EIF3B: variants seen among roughly 807,000 people sequenced by gnomAD.
EIF3B encodes eukaryotic translation initiation factor 3 subunit B, also known as eukaryotic translation initiation factor 3 subunit 9.
A neutral mutation model predicts 104.6 loss-of-function variants in EIF3B; 10 were observed. The ratio of observed to expected loss-of-function variants is 0.10; its 90% CI spans 0.06 to 0.16. The LOEUF (loss-of-function observed/expected upper bound fraction) is 0.16, where lower values mean the gene tolerates loss of function less well. Among genes scored for constraint, EIF3B ranks in the 10% least tolerant of loss-of-function variants. The pLI, the probability that EIF3B is intolerant of heterozygous loss-of-function variation, is 1.00. For synonymous variants in EIF3B, 542 were observed against 417.2 expected (o/e 1.30, Z -3.65); for missense variants, 1,014 against 1,087.9 (o/e 0.93, Z 0.96).
intron 2 of EIF3B, among the ~76,000 whole-genome samples, chr7:2,361,488 C>G (rs370902149): frequency 6.6e-6 from 1 of 151,756 alleles, no homozygotes; most frequent in African/African-American, 2.4e-5. Context: ...GTCGCAATCT[C>G]GGCTCACTGA....
Position 2,366,430 on chromosome 7 carries a change from C to G in EIF3B, c.1271C>G (p.Ala424Gly). The G allele has an allele frequency of 6.2e-7, 1 of 1,613,964 alleles. No homozygotes were observed. Among genetic ancestry groups the G allele is most frequent in the Non-Finnish European group, 8.5e-7 (1 of 1,179,980 alleles). ...AGGGGTTTTCACTGTGAGAGCTCAGCCCATTGGCCTATTTTTAAGTAAGTG... is the reference window on the plus strand; with the variant it reads ...AGGGGTTTTCACTGTGAGAGCTCAGGCCATTGGCCTATTTTTAAGTAAGTG... Reference protein sequence around the residue: ...KKRGFHCESSAHWPIFKWSHD... With the variant: ...KKRGFHCESSGHWPIFKWSHD... The change falls in exon 7 of 19, where the codon GCC becomes GGC. Residue 424 changes from alanine (A) to glycine (G), a missense_variant. Physicochemically the swap from Ala to Gly is moderately conservative, Grantham distance 60. Around this residue, in one of 4 missense-constraint regions of EIF3B, gnomAD observed 201 missense variants for 240.7 expected, o/e 0.83. Transcript: ENST00000360876.
At chr7:2,367,129 A>C in intron 9 of EIF3B, 84 bp downstream of exon 9, 5 of 1,275,582 alleles carry the variant, frequency 3.9e-6, no homozygotes, top group Non-Finnish European at 5.5e-6. Flanking sequence ...ACACAATACC[A>C]TAGGCTGGGT....
upstream of EIF3B, chr7:2,354,289 C>T (rs554286002): frequency 6.6e-6 from 1 of 152,210 alleles, no homozygotes; most frequent in African/African-American, 2.4e-5. Flanking sequence ...CCCCGAATTC[C>T]TTTTCTATTT....
At chr7:2,355,516 C>G in intron 1 of EIF3B, 96 bp downstream of exon 1, 1 of 1,380,740 alleles carries the variant, frequency 7.2e-7, no homozygotes, top group Non-Finnish European at 9.4e-7. Flanking sequence ...CCGGTTCGTG[C>G]AGAAGTTCCA....
rs1214882528 is a variant in EIF3B, at chr7:2,366,167, G to C, written c.1158-150G>C. 2.6e-5 allele frequency: 19 copies of C among 728,876 alleles called. 1 individual carries two copies. In the South Asian group the frequency reaches 3.9e-4, roughly 15 times the overall value. The allele number at this position is 728,876 out of a possible 1,614,324, so 45.2% of individuals were successfully genotyped here. ...GAATGAACAAGCGCCGCTGCTTCCC[G>C]CTTCCGCTTGGGTCTCTTGGGGCCG... On this transcript the variant is annotated intron_variant, in intron 6 of 18. Transcript: ENST00000360876.
At chr7:2,372,361 T>C (rs1340984246) in intron 11 of EIF3B, among the ~76,000 whole-genome samples, 1 of 152,214 alleles carries the variant, frequency 6.6e-6, no homozygotes. Flanking sequence ...CCACTGTAGG[T>C]GCACACTGGG....
chr7:2,363,054 C>T lies in EIF3B; in HGVS notation c.813-16C>T, dbSNP rs532578414. On this transcript the variant is annotated splice_polypyrimidine_tract_variant and intron_variant, in intron 3 of 18. Transcript: ENST00000360876. Reference sequence around the variant, plus strand: ...TCGTCAGGGCGTGGGGCTCAGCAGTCTCCTTTCTTCTCCAGGTATATGACG... The same window carrying T: ...TCGTCAGGGCGTGGGGCTCAGCAGTTTCCTTTCTTCTCCAGGTATATGACG... 1.2e-5 allele frequency: 19 copies of T among 1,613,942 alleles called. No homozygotes were observed. In the South Asian group the frequency reaches 2.0e-4, roughly 17 times the overall value.
At position 2,354,890 on chromosome 7, in the gene EIF3B, G is replaced by A. The variant is rs1230851068; in HGVS notation, c.-32G>A. 3 of 1,163,356 alleles carry A rather than the reference G, an allele frequency of 2.6e-6. No individual in the cohort carries two copies. The highest frequency in any genetic ancestry group is 4.3e-5 in the East Asian group (1 of 23,042). The allele number at this position is 1,163,356 out of a possible 1,614,324, so 72.1% of individuals were successfully genotyped here. ...TGGGAGAGTCGGAAGCGCGGCGGCC[G>A]CGGAGCCCTGCGAGTAGGCAGCGTT... On this transcript the variant is annotated 5_prime_UTR_variant, in exon 1 of 19. Coordinates refer to ENST00000360876, the MANE Select transcript of EIF3B (RefSeq NM_001037283.2).
chr7:2,354,837 T>C lies in EIF3B; in HGVS notation c.-85T>C, dbSNP rs1180185056. Reference sequence around the variant, plus strand: ...CCCCGTCGCACGCACATGGCTGGGCTGTAGCCGTCGCGGCGCGCGGTGCGG... The same window carrying C: ...CCCCGTCGCACGCACATGGCTGGGCCGTAGCCGTCGCGGCGCGCGGTGCGG... On this transcript the variant is annotated 5_prime_UTR_variant, in exon 1 of 19. Transcript: ENST00000360876. The C allele has an allele frequency of 2.9e-6, 3 of 1,040,788 alleles. No individual in the cohort carries two copies. The highest frequency in any genetic ancestry group is 1.7e-5 in the African/African-American group (1 of 58,142). The allele number at this position is 1,040,788 out of a possible 1,614,324, so 64.5% of individuals were successfully genotyped here.
rs776755336 is a variant in EIF3B, at chr7:2,366,462, T to C, written c.1289+14T>C. On this transcript the variant is annotated intron_variant, in intron 7 of 18. Transcript: ENST00000360876. Reference sequence around the variant, plus strand: ...GCCTATTTTTAAGTAAGTGGACCATTGTAACGAGCTCTGTAGCCTTTGTCT... The same window carrying C: ...GCCTATTTTTAAGTAAGTGGACCATCGTAACGAGCTCTGTAGCCTTTGTCT... 6.1e-5 allele frequency: 98 copies of C among 1,613,902 alleles called. No homozygotes were observed. Among genetic ancestry groups the C allele is most frequent in the Non-Finnish European group, 7.5e-5 (89 of 1,179,992 alleles).
intron 4 of EIF3B, 22 bp from the exon 5 acceptor site, chr7:2,363,610 A>G (rs1375042921): frequency 5.0e-6 from 8 of 1,587,992 alleles, no homozygotes; most frequent in Non-Finnish European, 6.8e-6. Flanking sequence ...GAAATGTTAT[A>G]TTCCTTGTCT....
In EIF3B at chr7:2,374,559, C is replaced by T. The variant is rs770670188; in HGVS notation, c.1842C>T (p.Ile614=). The T allele has an allele frequency of 6.8e-6, 11 of 1,614,146 alleles. No homozygotes were observed. Among genetic ancestry groups the T allele is most frequent in the South Asian group, 3.3e-5 (3 of 91,086 alleles). The change falls in exon 13 of 19, where the codon ATC becomes ATT. Residue 614 remains isoleucine, a synonymous_variant. Coordinates refer to ENST00000360876, the MANE Select transcript of EIF3B (RefSeq NM_001037283.2). ...TCGACAAGCAGCAGGCGAACACCAT[C>T]TTCTGGAGCCCCCAAGGACAGTTCG... ...KMFDKQQANT[I]FWSPQGQFVV...
At chr7:2,367,376 C>T (rs1003950912) in intron 9 of EIF3B, among the ~76,000 whole-genome samples, 6 of 152,142 alleles carry the variant, frequency 3.9e-5, no homozygotes, top group African/African-American at 1.4e-4. Flanking sequence ...TGCCGTCACC[C>T]CAGGGGGTTA....
chr7:2,354,680 G>C (rs1374218117), upstream of EIF3B, among the ~76,000 whole-genome samples: 1 of 152,182 alleles, frequency 6.6e-6, no homozygotes, highest in Non-Finnish European at 1.5e-5. Flanking sequence ...ATGGAATTAA[G>C]CACTTTCTTG....
intron 2 of EIF3B, 67 bp from the exon 3 acceptor site, chr7:2,362,578 G>A: frequency 6.3e-7 from 1 of 1,590,698 alleles, no homozygotes; most frequent in Admixed American, 1.7e-5. Flanking sequence ...GAGAGGGGTG[G>A]GGCGGACAGC....
chr7:2,374,787 A>C, intron 13 of EIF3B, 181 bp downstream of exon 13: 1 of 560,456 alleles, frequency 1.8e-6, no homozygotes, highest in African/African-American at 1.9e-5. Context: ...TCCAGGACTC[A>C]GGCCAAGCCC....
At chr7:2,378,628 G>C in intron 15 of EIF3B, 61 bp from the exon 16 acceptor site, 1 of 1,479,730 alleles carries the variant, frequency 6.8e-7, no homozygotes, top group Non-Finnish European at 9.4e-7. Flanking sequence ...CAACTCTGAA[G>C]ATTGCATTTG....
chr7:2,358,068 G>A (rs921017642), intron 1 of EIF3B, among the ~76,000 whole-genome samples: 8 of 151,632 alleles, frequency 5.3e-5, no homozygotes, highest in African/African-American at 7.3e-5. Context: ...ATAAAACGGC[G>A]ATTATTTTTT....
chr7:2,379,679 G>A lies in EIF3B; in HGVS notation c.*14+168G>A, dbSNP rs138369606. ...TCGTGTGAAATGTAGAGTCGGTGCC[G>A]ACGTGGCCTCGACTGCGCCCTCTGA... On this transcript the variant is annotated intron_variant, in intron 18 of 18. Coordinates refer to ENST00000360876, the MANE Select transcript of EIF3B (RefSeq NM_001037283.2). The A allele has an allele frequency of 1.1e-4, 67 of 606,002 alleles. No individual in the cohort carries two copies. The Middle Eastern group carries it at 1.2e-3, about 11-fold the overall frequency. The allele number at this position is 606,002 out of a possible 1,614,324, so 37.5% of individuals were successfully genotyped here. A position where few individuals can be genotyped will look rare whatever the true frequency, so the allele number is the denominator to read the frequency against.
Sources: allele counts gnomAD v4.1 joint callset (sites outside exome capture counted in the v4.1 genomes callset), GRCh38; gene constraint gnomAD v4.1.1; regional missense constraint gnomAD v4.1.1; transcripts MANE v1.5; gene names NCBI Gene and HGNC (gene_info 2026-07-23, HGNC 2026-07-21).